Variants in PROX2 observed in about 807,000 individuals in gnomAD.
PROX2 encodes the protein prospero homeobox protein 2.
Under a neutral mutation model 48.9 loss-of-function variants are expected in PROX2, and 46 were observed. The observed-to-expected ratio is 0.94, with a 90% CI of 0.74 to 1.20. PROX2 has a LOEUF of 1.20. Ranked by LOEUF, PROX2 falls within the 50% of genes most tolerant of loss-of-function variation. The pLI, the probability that PROX2 is intolerant of heterozygous loss-of-function variation, is 0.00. For missense variants in PROX2, 663 were observed against 719.4 expected (o/e 0.92, Z 0.90); for synonymous variants, 260 against 276.6 (o/e 0.94, Z 0.60).
At chr14:74,858,909 G>C (rs1046001220) in intron 3 of PROX2, 1 of 158,276 alleles carries the variant, frequency 6.3e-6, no homozygotes, top group African/African-American at 2.4e-5. Flanking sequence ...GATGGGAAGA[G>C]ATGGCAATTC....
chr14:74,853,933 A>G lies in PROX2; in HGVS notation c.*1199T>C. 6.2e-6 allele frequency: 1 copy of G among 161,806 alleles called. No homozygotes were observed. Among genetic ancestry groups the G allele is most frequent in the Non-Finnish European group, 1.4e-5 (1 of 73,456 alleles). 10.0% of individuals were successfully genotyped at this position (161,806 alleles called of 1,614,324 possible). ...GCAGGGGGAAATGTTGATTTCATGA[A>G]TTCCTTCATCAGTGGAAGGTCAGCC... On this transcript the variant is annotated 3_prime_UTR_variant, in exon 6 of 6. Transcript: ENST00000556489.
At chr14:74,869,280 CTT>C (rs570619745) in intron 2 of PROX2, among the ~76,000 whole-genome samples, 16,220 of 143,702 alleles carry the variant, frequency 0.11, 1,328 homozygotes, top group African/African-American at 0.24. Context: ...GAACCTTCAA[CTT>C]TTTTTTTTTT....
chr14:74,858,810 G>GTGTGTGGT (rs1555371205), intron 3 of PROX2: 1 of 272,932 alleles, frequency 3.7e-6, no homozygotes, highest in African/African-American at 2.7e-5. Context: ...GTGTGTGTGT[G>GTGTGTGGT]GTGTCTTAGA....
chr14:74,861,371 G>A (rs761945623), intron 3 of PROX2: 3 of 463,664 alleles, frequency 6.5e-6, no homozygotes, highest in Non-Finnish European at 8.1e-6. Context: ...TGGTCATATG[G>A]GTTTGGGGCT....
intron 3 of PROX2, chr14:74,858,842 T>TGTG: frequency 6.2e-6 from 1 of 160,686 alleles, no homozygotes; most frequent in Admixed American, 7.3e-5. Flanking sequence ...GGTTGGTGTA[T>TGTG]TGTGTGTGTG....
intron 5 of PROX2, 122 bp downstream of exon 5, chr14:74,856,679 G>T: frequency 1.3e-6 from 1 of 770,202 alleles, no homozygotes; most frequent in Non-Finnish European, 2.1e-6. Context: ...TACAGAGATT[G>T]GCCCAGGCTG....
rs1469017661 is a variant in PROX2, at chr14:74,863,670, C to T, written c.165G>A (p.Trp55Ter). 6 of 1,562,416 alleles carry T rather than the reference C, an allele frequency of 3.8e-6. No homozygotes were observed. The African/African-American group carries it at 8.1e-5, about 21-fold the overall frequency. The part of the protein sequence containing the change: ...VPSSSPTDPE[W>*]FGDEHIQAKR... Reference sequence around the variant, plus strand: ...TTGCCTGGATGTGCTCATCACCAAACCATTCGGGGTCTGTAGGGCTGGAGC... The same window carrying T: ...TTGCCTGGATGTGCTCATCACCAAATCATTCGGGGTCTGTAGGGCTGGAGC... Residue 55 changes from tryptophan to a stop codon, truncating the protein, a stop_gained, in exon 3 of 6, where the codon TGG (tryptophan) becomes TGA (stop). Coordinates refer to ENST00000556489, the MANE Select transcript of PROX2 (RefSeq NM_001243007.2). LOFTEE classifies it high-confidence loss of function.
rs1200201475 is a variant in PROX2 at position 74,855,155 on chromosome 14, T to G, written c.1756A>C (p.Lys586Gln). The change falls in exon 6 of 6, where the codon AAA becomes CAA. Residue 586 changes from lysine (K) to glutamine (Q), a missense_variant. Lys to Gln is a moderately conservative substitution (Grantham distance 53). Coordinates refer to ENST00000556489, the MANE Select transcript of PROX2 (RefSeq NM_001243007.2). Reference sequence around the variant, plus strand: ...AGCTACTGGGGATAGCTGGAAGATTTGAATATCTCTGGGATGTCACTGTCC... The same window carrying G: ...AGCTACTGGGGATAGCTGGAAGATTGGAATATCTCTGGGATGTCACTGTCC... Reference protein sequence around the residue: ...KLDSDIPEIFKSSSYPQ With the variant: ...KLDSDIPEIFQSSSYPQ 6.4e-7 allele frequency: 1 copy of G among 1,568,580 alleles called. No homozygotes were observed.
chr14:74,857,208 A>G (rs2091750940), intron 4 of PROX2: 1 of 473,048 alleles, frequency 2.1e-6, no homozygotes, highest in Admixed American at 3.5e-5. Context: ...GCCCATTAGA[A>G]CATAACTTTT....
At chr14:74,861,235 A>G (rs945512591) in intron 3 of PROX2, 2 of 1,352,624 alleles carry the variant, frequency 1.5e-6, no homozygotes, top group African/African-American at 3.0e-5. Context: ...CCATAGACTC[A>G]TCAGCTTCTG....
intron 2 of PROX2, among the ~76,000 whole-genome samples, chr14:74,869,440 G>A (rs545643296): frequency 3.9e-5 from 6 of 151,976 alleles, no homozygotes; most frequent in African/African-American, 1.4e-4. Flanking sequence ...CACCACACCC[G>A]GCTAATTTTG....
At chr14:74,861,326 C>T (rs2091793685) in intron 3 of PROX2, 2 of 854,048 alleles carry the variant, frequency 2.3e-6, no homozygotes, top group East Asian at 1.0e-4. Flanking sequence ...AATATATTCT[C>T]AAGAACTTAA....
At chr14:74,855,672 C>T in intron 5 of PROX2, 1 of 162,276 alleles carries the variant, frequency 6.2e-6, no homozygotes, top group Non-Finnish European at 1.3e-5. Context: ...GAAAGGAGTG[C>T]CCCCAAGCTT....
intron 1 of PROX2, chr14:74,873,775 C>A (rs1417723410): frequency 4.3e-6 from 2 of 465,636 alleles, no homozygotes; most frequent in Non-Finnish European, 8.4e-6. Context: ...CAGTATCCCA[C>A]CAAGCTTCAC....
At chr14:74,862,275 C>T (rs1463676116) in intron 3 of PROX2, among the ~76,000 whole-genome samples, 5 of 152,242 alleles carry the variant, frequency 3.3e-5, no homozygotes, top group East Asian at 1.9e-4. Context: ...AATCATAGCT[C>T]ACTGTAACCT....
chr14:74,862,918 G>A lies in PROX2; in HGVS notation c.917C>T (p.Ala306Val), dbSNP rs767273407. 5.0e-6 allele frequency: 8 copies of A among 1,613,900 alleles called. No individual in the cohort carries two copies. Among genetic ancestry groups the A allele is most frequent in the South Asian group, 1.1e-5 (1 of 91,076 alleles). The stretch of plus-strand genomic sequence containing the variant: ...GTACCTAGGAGAATCTAGACGCTTG[G>A]CCAGTGATAAATTTCCTACTGGGAC... ...AGVPVGNLSL[A>V]KRLDSPRYPI... is the part of the protein sequence containing the mutation. Residue 306 changes from alanine to valine, a missense_variant, in exon 3 of 6, where the codon GCC becomes GTC. Ala to Val is a moderately conservative substitution (Grantham distance 64, BLOSUM62 0). Coordinates refer to ENST00000556489, the MANE Select transcript of PROX2 (RefSeq NM_001243007.2).
At position 74,853,173 on chromosome 14, in the gene PROX2, G is replaced by A. The variant is rs1201076291; in HGVS notation, c.*1959C>T. On this transcript the variant is annotated 3_prime_UTR_variant, in exon 6 of 6. Coordinates refer to ENST00000556489, the MANE Select transcript of PROX2 (RefSeq NM_001243007.2). ...ATTGGTCCCTGAGACAAGGTTCACT[G>A]CCCTGGAGGTGACTTGGCTCAGTCT... The A allele has an allele frequency of 6.6e-6, 1 of 152,196 alleles. No individual in the cohort carries two copies. Among genetic ancestry groups the A allele is most frequent in the Non-Finnish European group, 1.5e-5 (1 of 68,048 alleles). 9.4% of individuals were successfully genotyped at this position (152,196 alleles called of 1,614,324 possible).
chr14:74,860,465 G>A (rs1054377392), intron 3 of PROX2, among the ~76,000 whole-genome samples: 1 of 152,058 alleles, frequency 6.6e-6, no homozygotes, highest in Non-Finnish European at 1.5e-5. Flanking sequence ...GTGGTGGTGG[G>A]CACATATGTG....
At position 74,855,162 on chromosome 14, in the gene PROX2, C is replaced by T. The variant is rs768868786; in HGVS notation, c.1749G>A (p.Glu583=). Residue 583 remains glutamate (E), a synonymous_variant, in exon 6 of 6, where the codon GAG becomes GAA. Transcript: ENST00000556489. ...GGGGATAGCTGGAAGATTTGAATAT[C>T]TCTGGGATGTCACTGTCCAGTTTCG... The part of the protein sequence containing the change: ...IISKLDSDIP[E]IFKSSSYPQ The T allele has an allele frequency of 3.2e-6, 5 of 1,582,966 alleles. No homozygotes were observed. Among genetic ancestry groups the T allele is most frequent in the Non-Finnish European group, 4.3e-6 (5 of 1,159,414 alleles).
Sources: allele counts gnomAD v4.1 joint callset (sites outside exome capture counted in the v4.1 genomes callset), GRCh38; gene constraint gnomAD v4.1.1; transcripts MANE v1.5; gene names NCBI Gene and HGNC (gene_info 2026-07-23, HGNC 2026-07-21).